MMP16: variants seen among roughly 807,000 people sequenced by gnomAD.
MMP16 encodes matrix metallopeptidase 16.
Under a neutral mutation model 67.8 loss-of-function variants are expected in MMP16, and 12 were observed. The observed-to-expected ratio is 0.18, with a 90% CI of 0.11 to 0.29. The LOEUF (loss-of-function observed/expected upper bound fraction) is 0.29. MMP16 is among the 10% of genes least tolerant of loss of function. The pLI is 1.00. For synonymous variants in MMP16, 249 were observed against 255.9 expected (o/e 0.97, Z 0.26); for missense variants, 475 against 765.7 (o/e 0.62, Z 4.48).
At chr8:88,291,825 A>G (rs778815739) in intron 1 of MMP16, among the ~76,000 whole-genome samples, 7 of 152,168 alleles carry the variant, frequency 4.6e-5, no homozygotes, top group Non-Finnish European at 8.8e-5. Flanking sequence ...TTTTCAATAG[A>G]TAGGTTTTTT....
At chr8:88,237,779 T>G (rs1320481383) in intron 1 of MMP16, among the ~76,000 whole-genome samples, 2 of 152,246 alleles carry the variant, frequency 1.3e-5, no homozygotes, top group Non-Finnish European at 2.9e-5. Flanking sequence ...GTGTATGCTT[T>G]TGTTCTCAAA....
chr8:88,201,120 A>G (rs1436648361), intron 1 of MMP16, among the ~76,000 whole-genome samples: 2 of 141,748 alleles, frequency 1.4e-5, no homozygotes, highest in Non-Finnish European at 3.0e-5. Context: ...GACTCTGATT[A>G]ATTGCAGACA....
At chr8:88,065,787 C>T (rs913147494) in intron 7 of MMP16, among the ~76,000 whole-genome samples, 15 of 152,018 alleles carry the variant, frequency 9.9e-5, no homozygotes, top group Middle Eastern at 3.2e-3. Context: ...TTGTGAGCAG[C>T]ATAAAGAAAT....
intron 3 of MMP16, among the ~76,000 whole-genome samples, chr8:88,182,514 C>T (rs572311480): frequency 6.6e-6 from 1 of 152,208 alleles, no homozygotes; most frequent in South Asian, 2.1e-4. Context: ...ATATCACTAA[C>T]TCTTATTAGA....
chr8:88,277,794 A>AT lies in MMP16; in HGVS notation c.132+49280dup, dbSNP rs28986512. On this transcript the variant is annotated intron_variant, in intron 1 of 9. Transcript: ENST00000286614. ...ATTTTAGCACACTTACTTTTCATCT[A>AT]TAAGATTAGCTCTATATCATTGGGT... 5.5e-4 allele frequency among the ~76,000 whole-genome samples: 84 copies of AT among 152,314 alleles called. 1 individual carries two copies. In the East Asian group the frequency reaches 0.015, roughly 27 times the overall value.
intron 1 of MMP16, among the ~76,000 whole-genome samples, chr8:88,320,246 G>A (rs1306337931): frequency 6.6e-6 from 1 of 152,038 alleles, no homozygotes; most frequent in East Asian, 1.9e-4. Flanking sequence ...AAGGACTCAT[G>A]GTAAACATTA....
rs145606592 is a variant in MMP16 at position 88,117,704 on chromosome 8, C to G, written c.872-986G>C. 2.4e-3 allele frequency among the ~76,000 whole-genome samples: 367 copies of G among 151,956 alleles called. 2 individuals carry two copies. Among genetic ancestry groups the G allele is most frequent in the South Asian group, 0.022 (106 of 4,818 alleles). Reference sequence around the variant, plus strand: ...CAAAAACTGACCTTTTTTTACAAATCTATTTTACCCCTGAGAGAATACTTA... The same window carrying G: ...CAAAAACTGACCTTTTTTTACAAATGTATTTTACCCCTGAGAGAATACTTA... On this transcript the variant is annotated intron_variant, in intron 5 of 9. Coordinates refer to ENST00000286614, the MANE Select transcript of MMP16 (RefSeq NM_005941.5).
intron 1 of MMP16, among the ~76,000 whole-genome samples, chr8:88,308,871 G>A (rs960905642): frequency 7.2e-5 from 11 of 151,738 alleles, no homozygotes; most frequent in Non-Finnish European, 1.2e-4. Context: ...TCAATAAAAA[G>A]AGAAGACAAA....
chr8:88,190,173 A>T (rs1809148513), intron 2 of MMP16, among the ~76,000 whole-genome samples: 1 of 152,234 alleles, frequency 6.6e-6, no homozygotes, highest in Non-Finnish European at 1.5e-5. Context: ...TGATTTAATG[A>T]AAAGAACTCT....
chr8:88,235,999 CT>C (rs1809934548), intron 1 of MMP16, among the ~76,000 whole-genome samples: 1 of 152,128 alleles, frequency 6.6e-6, no homozygotes, highest in Admixed American at 6.5e-5. Flanking sequence ...GCATAGGTGT[CT>C]TTACTCACAT....
At chr8:88,046,027 AGATATGTTTAC>A (rs1186635640) in intron 9 of MMP16, among the ~76,000 whole-genome samples, 2 of 152,210 alleles carry the variant, frequency 1.3e-5, no homozygotes, top group African/African-American at 2.4e-5. Flanking sequence ...GGATGGGAAG[AGATATGTTTAC>A]ATTTCATATA....
intron 3 of MMP16, among the ~76,000 whole-genome samples, chr8:88,170,958 C>T (rs1372646920): frequency 6.6e-6 from 1 of 152,070 alleles, no homozygotes; most frequent in African/African-American, 2.4e-5. Context: ...GAATTAGTTT[C>T]AGTATGTGTT....
chr8:88,191,818 C>T (rs1288037790), intron 2 of MMP16, among the ~76,000 whole-genome samples: 49 of 152,214 alleles, frequency 3.2e-4, no homozygotes, highest in Admixed American at 3.1e-3. Context: ...AGTCCTGGTA[C>T]TGGGTATCCT....
intron 6 of MMP16, among the ~76,000 whole-genome samples, chr8:88,077,422 G>T (rs1398623407): frequency 6.6e-6 from 1 of 152,132 alleles, no homozygotes; most frequent in Admixed American, 6.5e-5. Flanking sequence ...TAGAACTGAA[G>T]TTCCTCACTG....
intron 8 of MMP16, among the ~76,000 whole-genome samples, chr8:88,048,221 G>T (rs1808223180): frequency 6.6e-6 from 1 of 152,152 alleles, no homozygotes; most frequent in Non-Finnish European, 1.5e-5. Flanking sequence ...GGCTGGTCTT[G>T]ATTGGAGTAC....
Position 88,088,777 on chromosome 8 carries a change from T to C in MMP16, c.1084-14034A>G, listed in dbSNP as rs113224688. 2.6e-3 allele frequency among the ~76,000 whole-genome samples: 395 copies of C among 152,040 alleles called. 1 individual carries two copies. Among genetic ancestry groups the C allele is most frequent in the Non-Finnish European group, 4.0e-3 (275 of 67,940 alleles). ...CCTCAACACACAACTTGCTGTGGAG[T>C]AAAATAGTGATCAAGTTCTAAGGCA... On this transcript the variant is annotated intron_variant, in intron 6 of 9. Coordinates refer to ENST00000286614, the MANE Select transcript of MMP16 (RefSeq NM_005941.5).
chr8:88,301,105 C>A (rs1337152284), intron 1 of MMP16, among the ~76,000 whole-genome samples: 1 of 152,178 alleles, frequency 6.6e-6, no homozygotes, highest in Non-Finnish European at 1.5e-5. Flanking sequence ...AAAACAGTAT[C>A]ATCCTTTAAA....
intron 8 of MMP16, among the ~76,000 whole-genome samples, chr8:88,047,803 G>C (rs977999909): frequency 5.9e-5 from 9 of 152,192 alleles, no homozygotes; most frequent in African/African-American, 2.2e-4. Context: ...TTATGGCTAA[G>C]TGTTGAAAAG....
At chr8:88,070,779 A>C (rs1434458577) in intron 7 of MMP16, among the ~76,000 whole-genome samples, 1 of 152,130 alleles carries the variant, frequency 6.6e-6, no homozygotes, top group Non-Finnish European at 1.5e-5. Context: ...CCTGACTCTC[A>C]GGATTCAATG....
Sources: allele counts gnomAD v4.1 joint callset (sites outside exome capture counted in the v4.1 genomes callset), GRCh38; gene constraint gnomAD v4.1.1; transcripts MANE v1.5; gene names NCBI Gene and HGNC (gene_info 2026-07-23, HGNC 2026-07-21).